ESRRB: variants seen among roughly 807,000 people sequenced by gnomAD.
ESRRB encodes estrogen related receptor beta.
ESRRB carries 16 observed loss-of-function variants against 46.0 expected under a neutral mutation model. The observed-to-expected ratio is 0.35, with a 90% CI of 0.24 to 0.53. The LOEUF is 0.53. ESRRB is among the 20% of genes least tolerant of loss of function. The probability of loss-of-function intolerance (pLI) is 0.93; values close to 1 mark genes in which losing one functional copy is unlikely to be tolerated. For missense variants in ESRRB, 488 were observed against 607.4 expected (o/e 0.80, Z 2.07); for synonymous variants, 246 against 259.6 (o/e 0.95, Z 0.50).
intron 1 of ESRRB, among the ~76,000 whole-genome samples, chr14:76,405,729 G>A (rs1367902410): frequency 1.3e-5 from 2 of 151,846 alleles, no homozygotes; most frequent in Non-Finnish European, 2.9e-5. Flanking sequence ...ACTCCAGCCT[G>A]GCAACAGAGC....
intron 1 of ESRRB, among the ~76,000 whole-genome samples, chr14:76,401,573 A>C (rs1260849310): frequency 6.6e-6 from 1 of 152,230 alleles, no homozygotes. Context: ...GTCTCATAAG[A>C]TTATAACACT....
At position 76,491,734 on chromosome 14, in the gene ESRRB, G is replaced by A. The variant is rs765684382; in HGVS notation, c.1120+18G>A. ...CAACTCCGGTAAGGGCGGCGGCGGGGCCTGGAAGGGGAGCTTCTAGGGCTC... is the reference window on the plus strand; with the variant it reads ...CAACTCCGGTAAGGGCGGCGGCGGGACCTGGAAGGGGAGCTTCTAGGGCTC... On this transcript the variant is annotated intron_variant, in intron 6 of 6. Transcript: ENST00000644823. 21 of 1,560,896 alleles carry A rather than the reference G, an allele frequency of 1.3e-5. 1 individual carries two copies. In the South Asian group the frequency reaches 2.4e-4, roughly 18 times the overall value.
At chr14:76,349,778 G>A (rs753849490) in intron 1 of ESRRB, among the ~76,000 whole-genome samples, 55 of 152,118 alleles carry the variant, frequency 3.6e-4, no homozygotes, top group Non-Finnish European at 2.8e-4. Flanking sequence ...CTCTGAGTGC[G>A]TGCTCATTAA....
At chr14:76,380,972 C>T (rs911951266) in intron 1 of ESRRB, among the ~76,000 whole-genome samples, 1 of 152,156 alleles carries the variant, frequency 6.6e-6, no homozygotes, top group East Asian at 1.9e-4. Flanking sequence ...AAATCAAAGA[C>T]GTTTTTAGCA....
chr14:76,447,392 C>T (rs1044784728), intron 2 of ESRRB, among the ~76,000 whole-genome samples: 4 of 151,866 alleles, frequency 2.6e-5, no homozygotes, highest in Non-Finnish European at 5.9e-5. Context: ...TCCTCTCTTC[C>T]TCCTCTCAGT....
At chr14:76,396,315 C>T (rs1452012980) in intron 1 of ESRRB, among the ~76,000 whole-genome samples, 5 of 152,066 alleles carry the variant, frequency 3.3e-5, no homozygotes, top group Non-Finnish European at 7.4e-5. Flanking sequence ...AGTAAAATCA[C>T]ATGTATGGCT....
chr14:76,461,578 G>A (rs1298087884), intron 2 of ESRRB, among the ~76,000 whole-genome samples: 11 of 151,424 alleles, frequency 7.3e-5, no homozygotes, highest in Non-Finnish European at 1.5e-5. Context: ...GCGTGATCTC[G>A]GCTCACTGCA....
intron 1 of ESRRB, among the ~76,000 whole-genome samples, chr14:76,435,567 C>T (rs183833473): frequency 5.1e-4 from 77 of 152,300 alleles, no homozygotes; most frequent in African/African-American, 1.8e-3. Flanking sequence ...TGGTGGCTCA[C>T]GCCTGTAATC....
rs1455945120 is a variant in ESRRB, at chr14:76,500,282, T to C, written c.*1824T>C. ...CAAGAGCCCTCCCAGACCAGTGATG[T>C]GTCCCTCCGGCTCCCCTTGCCTGTG... On this transcript the variant is annotated 3_prime_UTR_variant, in exon 7 of 7. Coordinates refer to ENST00000644823, the MANE Select transcript of ESRRB (RefSeq NM_001379180.1). 6.7e-6 allele frequency: 4 copies of C among 599,014 alleles called. No individual in the cohort carries two copies. Among genetic ancestry groups the C allele is most frequent in the Non-Finnish European group, 1.2e-5 (4 of 338,538 alleles). The allele number at this position is 599,014 out of a possible 1,614,324, so 37.1% of individuals were successfully genotyped here. A position where few individuals can be genotyped will look rare whatever the true frequency, so the allele number is the denominator to read the frequency against.
upstream of ESRRB, among the ~76,000 whole-genome samples, chr14:76,370,285 C>G (rs1371412809): frequency 6.6e-6 from 1 of 151,034 alleles, no homozygotes; most frequent in Admixed American, 6.6e-5. Context: ...GTAATCCCAG[C>G]TACTTGGGAG....
At chr14:76,431,385 T>C (rs1050701252) in intron 1 of ESRRB, among the ~76,000 whole-genome samples, 3 of 152,182 alleles carry the variant, frequency 2.0e-5, no homozygotes, top group Non-Finnish European at 4.4e-5. Context: ...GCAAAATAGT[T>C]CAGCAATTTG....
At chr14:76,478,465 A>ACT (rs1183438386) in intron 3 of ESRRB, among the ~76,000 whole-genome samples, 3 of 151,908 alleles carry the variant, frequency 2.0e-5, no homozygotes, top group Non-Finnish European at 4.4e-5. Flanking sequence ...AGCATGCCTC[A>ACT]CTCTGATTGA....
chr14:76,440,378 A>T (rs1285461189), intron 2 of ESRRB, among the ~76,000 whole-genome samples: 1 of 152,076 alleles, frequency 6.6e-6, no homozygotes, highest in Non-Finnish European at 1.5e-5. Flanking sequence ...GGCTGCAGTG[A>T]CCTGTGATGG....
chr14:76,441,065 A>G (rs1486679899), intron 2 of ESRRB, among the ~76,000 whole-genome samples: 1 of 152,134 alleles, frequency 6.6e-6, no homozygotes, highest in African/African-American at 2.4e-5. Context: ...GAGAGAGATA[A>G]GGGTCTTGCT....
intron 1 of ESRRB, among the ~76,000 whole-genome samples, chr14:76,430,780 C>T (rs2139911082): frequency 6.6e-6 from 1 of 152,302 alleles, no homozygotes; most frequent in Middle Eastern, 3.4e-3. Context: ...CATTAAGTGG[C>T]CCAGCTGCTT....
At chr14:76,346,041 G>A (rs547308048) in intron 1 of ESRRB, among the ~76,000 whole-genome samples, 26 of 152,216 alleles carry the variant, frequency 1.7e-4, no homozygotes, top group Middle Eastern at 3.4e-3. Flanking sequence ...CCTGGTATCC[G>A]GTGGTTGCCG....
chr14:76,451,250 G>C (rs1219582216), intron 2 of ESRRB, among the ~76,000 whole-genome samples: 1 of 152,168 alleles, frequency 6.6e-6, no homozygotes, highest in Non-Finnish European at 1.5e-5. Context: ...TTTAAGATTT[G>C]AGGGCTATTT....
chr14:76,482,950 C>T lies in ESRRB; in HGVS notation c.850+191C>T, dbSNP rs1889866803. Among the ~76,000 whole-genome samples the T allele has an allele frequency of 6.6e-6, 1 of 152,192 alleles. No individual in the cohort carries two copies. The highest frequency in any genetic ancestry group is 2.4e-5 in the African/African-American group (1 of 41,444). On this transcript the variant is annotated intron_variant, in intron 5 of 6. Transcript: ENST00000644823. The surrounding 1 kb of genome is among the most constrained non-coding windows in gnomAD (Gnocchi z 4.3). The stretch of plus-strand genomic sequence containing the variant: ...GGAGAGGAACAGGTAGTTAGAAGAC[C>T]CAGTGAGGCTTATACACTGCTGCAG...
chr14:76,477,154 A>G (rs1181948085), intron 3 of ESRRB, among the ~76,000 whole-genome samples: 1 of 152,232 alleles, frequency 6.6e-6, no homozygotes, highest in Non-Finnish European at 1.5e-5. Flanking sequence ...CCCCAACCCC[A>G]GGCTAGGGGT....
Sources: allele counts gnomAD v4.1 joint callset (sites outside exome capture counted in the v4.1 genomes callset), GRCh38; gene constraint gnomAD v4.1.1; non-coding constraint Gnocchi (gnomAD v3.1); transcripts MANE v1.5; gene names NCBI Gene and HGNC (gene_info 2026-07-23, HGNC 2026-07-21).